Variants in ALG9 observed in about 807,000 individuals in gnomAD.
The protein encoded by ALG9 is ALG9 alpha-1,2-mannosyltransferase.
Under a neutral mutation model 81.8 loss-of-function variants are expected in ALG9, and 55 were observed. That is an observed-to-expected ratio of 0.67 (90% CI 0.54 to 0.84). The LOEUF (loss-of-function observed/expected upper bound fraction) is 0.84, where lower values mean the gene tolerates loss of function less well. Among genes scored for constraint, ALG9 ranks in the 40% least tolerant of loss-of-function variants. The pLI is 0.00. For missense variants in ALG9, 629 were observed against 745.0 expected (o/e 0.84, Z 1.81); for synonymous variants, 278 against 274.3 (o/e 1.01, Z -0.13).
chr11:111,809,742 T>G lies in ALG9; in HGVS notation c.1634A>C (p.Asp545Ala). ...IDISKCHYLV[D>A]LDTMRETPRE... ...GGGTGTTTCTCTCATGGTGTCCAAA[T>G]CCACTAAATAATGGCATTTACTGAT... is the stretch of plus-strand genomic sequence containing the variant. Residue 545 changes from aspartate to alanine, a missense_variant, in exon 14 of 15, where the codon GAT becomes GCT. Physicochemically the swap from Asp to Ala is moderately radical, Grantham distance 126. Coordinates refer to ENST00000616540, the MANE Select transcript of ALG9 (RefSeq NM_024740.2). 1 of 1,614,068 alleles carries G rather than the reference T, an allele frequency of 6.2e-7. No individual in the cohort carries two copies.
chr11:111,867,181 G>A (rs1962769749), intron 3 of ALG9, among the ~76,000 whole-genome samples: 1 of 152,212 alleles, frequency 6.6e-6, no homozygotes, highest in African/African-American at 2.4e-5. Flanking sequence ...GTCACTTTCT[G>A]CAGGTGCCAC....
chr11:111,855,457 C>T (rs562523275), intron 6 of ALG9, among the ~76,000 whole-genome samples: 3 of 152,102 alleles, frequency 2.0e-5, no homozygotes, highest in South Asian at 4.2e-4. Context: ...TTTAGGAGGC[C>T]GTGTAGTGAT....
intron 3 of ALG9, 87 bp from the exon 4 acceptor site, chr11:111,865,338 A>G (rs1962002740): frequency 5.1e-6 from 5 of 978,090 alleles, no homozygotes; most frequent in South Asian, 4.5e-5. Context: ...TTTATTGTCA[A>G]TAACACTGTA....
Position 111,785,890 on chromosome 11 carries a change from A to G in ALG9, c.*507T>C. ...GAAAAGGACATGTGGGTTGGCAACT[A>G]GGCTGTGTTCATTTTCAGCATGAGG... On this transcript the variant is annotated 3_prime_UTR_variant, in exon 15 of 15. Transcript: ENST00000616540. The G allele has an allele frequency of 2.6e-6, 1 of 381,802 alleles. No homozygotes were observed. Among genetic ancestry groups the G allele is most frequent in the South Asian group, 2.0e-5 (1 of 50,226 alleles). 23.7% of individuals were successfully genotyped at this position (381,802 alleles called of 1,614,324 possible). A position where few individuals can be genotyped will look rare whatever the true frequency, so the allele number is the denominator to read the frequency against.
At chr11:111,770,538 GAAAA>G in the ALG9 span, among the ~76,000 whole-genome samples, 18 of 151,268 alleles carry the variant, frequency 1.2e-4, no homozygotes, top group Non-Finnish European at 1.9e-4. Context: ...AAAAAAAAAA[GAAAA>G]AGAAAGAAAA....
At chr11:111,857,288 A>C (rs1164834371) in intron 6 of ALG9, among the ~76,000 whole-genome samples, 1 of 151,964 alleles carries the variant, frequency 6.6e-6, no homozygotes, top group Non-Finnish European at 1.5e-5. Flanking sequence ...AATTATTCAA[A>C]CTCTCAGAGT....
At chr11:111,828,238 CATT>C (rs782333602) in intron 13 of ALG9, among the ~76,000 whole-genome samples, 4 of 152,150 alleles carry the variant, frequency 2.6e-5, no homozygotes, top group Admixed American at 6.6e-5. Flanking sequence ...ATTTATACAT[CATT>C]GTCTTCTTGA....
intron 9 of ALG9, among the ~76,000 whole-genome samples, chr11:111,842,242 C>T (rs560743049): frequency 6.6e-6 from 1 of 152,046 alleles, no homozygotes; most frequent in Non-Finnish European, 1.5e-5. Flanking sequence ...CACTTATTGT[C>T]CACAAGTAAA....
At chr11:111,800,301 A>G (rs2136307712) in intron 14 of ALG9, among the ~76,000 whole-genome samples, 1 of 151,998 alleles carries the variant, frequency 6.6e-6, no homozygotes, top group Middle Eastern at 3.4e-3. Context: ...TAACATGGTA[A>G]AACCCTGTCT....
chr11:111,790,780 A>C (rs1947278202), intron 14 of ALG9, among the ~76,000 whole-genome samples: 1 of 152,238 alleles, frequency 6.6e-6, no homozygotes, highest in Non-Finnish European at 1.5e-5. Flanking sequence ...AATTTTCAAT[A>C]ATCAGGTTTG....
At chr11:111,836,100 C>T in intron 13 of ALG9, 65 bp downstream of exon 13, 1 of 1,605,604 alleles carries the variant, frequency 6.2e-7, no homozygotes, top group Non-Finnish European at 8.5e-7. Flanking sequence ...CTCTAATATA[C>T]ACACCAACAG....
downstream of ALG9, among the ~76,000 whole-genome samples, chr11:111,780,389 T>TTTTG (rs1591736943): frequency 3.9e-4 from 57 of 144,534 alleles, no homozygotes; most frequent in Middle Eastern, 7.2e-3. Context: ...GCCGTTTTTT[T>TTTTG]TTTTGTTTTG....
intron 14 of ALG9, among the ~76,000 whole-genome samples, chr11:111,793,243 A>G (rs1247970918): frequency 6.6e-6 from 1 of 152,132 alleles, no homozygotes; most frequent in Non-Finnish European, 1.5e-5. Flanking sequence ...TGGCCTCCCA[A>G]AGTGCTAGGA....
At chr11:111,847,062 T>C (rs1167002985) in intron 8 of ALG9, among the ~76,000 whole-genome samples, 2 of 151,928 alleles carry the variant, frequency 1.3e-5, no homozygotes, top group Non-Finnish European at 2.9e-5. Context: ...GCTCCATAGA[T>C]TGAATGAAGG....
chr11:111,850,709 A>G (rs1957655829), intron 8 of ALG9, among the ~76,000 whole-genome samples: 1 of 149,892 alleles, frequency 6.7e-6, no homozygotes, highest in South Asian at 2.1e-4. Context: ...ACTGTCTCAA[A>G]AAAAAAAAAA....
At chr11:111,823,433 C>G (rs79348541) in intron 13 of ALG9, among the ~76,000 whole-genome samples, 1,723 of 152,254 alleles carry the variant, frequency 0.011, 32 homozygotes, top group African/African-American at 0.036. Context: ...TTTACACTGC[C>G]AAGTCTTGAG....
At chr11:111,862,524 G>T (rs543853760) in intron 4 of ALG9, among the ~76,000 whole-genome samples, 2 of 151,018 alleles carry the variant, frequency 1.3e-5, no homozygotes, top group African/African-American at 4.9e-5. Flanking sequence ...ATAAAACACC[G>T]TGCCCAGCCG....
chr11:111,805,362 A>G (rs1565709973), intron 14 of ALG9: 1 of 455,286 alleles, frequency 2.2e-6, no homozygotes, highest in South Asian at 1.6e-5. Flanking sequence ...GTTTATGGTC[A>G]TTTGTTATAG....
In ALG9 at chr11:111,809,681, C is replaced by T; in HGVS notation, c.1695G>A (p.Trp565Ter). 1.9e-6 allele frequency: 3 copies of T among 1,614,116 alleles called. No individual in the cohort carries two copies. The highest frequency in any genetic ancestry group is 2.5e-6 in the Non-Finnish European group (3 of 1,180,002). The change falls in exon 14 of 15, where the codon TGG (tryptophan) becomes TGA (stop). Residue 565 changes from tryptophan (W) to a stop codon, truncating the protein, a stop_gained. Coordinates refer to ENST00000616540, the MANE Select transcript of ALG9 (RefSeq NM_024740.2). LOFTEE classifies it high-confidence loss of function. Reference protein sequence around the residue: ...EPKYSSNKEEWISLAYRPFLD... With the variant: ...EPKYSSNKEE ...GGAATGGTCTATAGGCCAAGCTGAT[C>T]CATTCTTCTTTATTGGATGAATATT...
Sources: allele counts gnomAD v4.1 joint callset (sites outside exome capture counted in the v4.1 genomes callset), GRCh38; gene constraint gnomAD v4.1.1; transcripts MANE v1.5; gene names NCBI Gene and HGNC (gene_info 2026-07-23, HGNC 2026-07-21).